Variants in SLC18A1 observed in about 807,000 individuals in gnomAD.
The protein encoded by SLC18A1 is chromaffin granule amine transporter.
A neutral mutation model predicts 53.7 loss-of-function variants in SLC18A1; 69 were observed. That is an observed-to-expected ratio of 1.28 (90% CI 1.06 to 1.57). The LOEUF is 1.57. SLC18A1 is among the 40% of genes most tolerant of loss of function. The pLI is 0.00. For missense variants in SLC18A1, 932 were observed against 668.1 expected, an observed-to-expected ratio of 1.40 and a Z score of -4.35; for synonymous variants, 320 against 248.1, an observed-to-expected ratio of 1.29 and a Z score of -2.72.
chr8:20,171,105 C>A lies in SLC18A1; in HGVS notation c.856G>T (p.Glu286Ter), dbSNP rs752132387. 6.2e-7 allele frequency: 1 copy of A among 1,614,130 alleles called. No individual in the cohort carries two copies. The highest frequency in any genetic ancestry group is 1.1e-5 in the South Asian group (1 of 91,078). ...AATGGAGCTTTGTGTCTGCTTACCT[C>A]AGGAGAGACTTTGGAAGGCTGTAGG... Reference protein sequence around the residue: ...CILQPSKVSPESAKGTPLFML... With the variant: ...CILQPSKVSP Residue 286 changes from glutamate (E) to a stop codon, truncating the protein, a stop_gained and splice_region_variant, in exon 8 of 16, where the codon GAG (glutamate) becomes TAG (stop). Coordinates refer to ENST00000276373, the MANE Select transcript of SLC18A1 (RefSeq NM_003053.4). LOFTEE classifies it high-confidence loss of function.
Position 20,163,440 on chromosome 8 carries a change from A to T in SLC18A1, c.1015+1429T>A, listed in dbSNP as rs2071879668. ...ACAATCAGTAAGTGACGTGGTCAGC[A>T]TTCAAACCCAGGTGGACCTGGGCTA... On this transcript the variant is annotated intron_variant, in intron 10 of 15. Coordinates refer to ENST00000276373, the MANE Select transcript of SLC18A1 (RefSeq NM_003053.4). Among the ~76,000 whole-genome samples, 5 of 152,306 alleles carry T rather than the reference A, an allele frequency of 3.3e-5. 1 individual carries two copies. The South Asian group carries it at 1.0e-3, about 32-fold the overall frequency.
chr8:20,147,527 G>T (rs1427755568), intron 14 of SLC18A1, 76 bp downstream of exon 14: 2 of 1,600,280 alleles, frequency 1.2e-6, no homozygotes, highest in Admixed American at 3.4e-5. Flanking sequence ...ACCCTAGGAG[G>T]ATAGCTTCCT....
At chr8:20,169,903 C>T (rs971913955) in intron 8 of SLC18A1, among the ~76,000 whole-genome samples, 1 of 152,106 alleles carries the variant, frequency 6.6e-6, no homozygotes, top group Non-Finnish European at 1.5e-5. Context: ...TTATGGGTGC[C>T]TCACTTTCCT....
At chr8:20,156,564 G>C (rs967871290) in intron 10 of SLC18A1, among the ~76,000 whole-genome samples, 34 of 152,266 alleles carry the variant, frequency 2.2e-4, no homozygotes, top group African/African-American at 7.5e-4. Context: ...CTAATAATTG[G>C]TCTGCTCAAA....
At chr8:20,177,917 T>C (rs1563771049) in intron 4 of SLC18A1, among the ~76,000 whole-genome samples, 1 of 152,374 alleles carries the variant, frequency 6.6e-6, no homozygotes, top group South Asian at 2.1e-4. Flanking sequence ...CTTTCTTGTT[T>C]CTTTAGCAAA....
At chr8:20,181,402 A>G (rs971008253) in intron 1 of SLC18A1, among the ~76,000 whole-genome samples, 1 of 152,090 alleles carries the variant, frequency 6.6e-6, no homozygotes, top group East Asian at 1.9e-4. Context: ...TCTAAGGACT[A>G]CCTGTACTAT....
rs760530775 is a variant in SLC18A1 at position 20,148,461 on chromosome 8, C to G, written c.1147-391G>C. 6 of 1,291,014 alleles carry G rather than the reference C, an allele frequency of 4.6e-6. No individual in the cohort carries two copies. The South Asian group carries it at 7.4e-5, about 16-fold the overall frequency. The allele number at this position is 1,291,014 out of a possible 1,614,324, so 80.0% of individuals were successfully genotyped here. A position where few individuals can be genotyped will look rare whatever the true frequency, so the allele number is the denominator to read the frequency against. ...CATTCTTCATGGAATAAAGTTGCCT[C>G]TGTTTTCCATTATGGACATCACTGA... On this transcript the variant is annotated intron_variant, in intron 12 of 15. Transcript: ENST00000276373.
Position 20,147,701 on chromosome 8 carries a change from A to G in SLC18A1, c.1232T>C (p.Met411Thr), listed in dbSNP as rs774424240. 6.2e-7 allele frequency: 1 copy of G among 1,613,698 alleles called. No individual in the cohort carries two copies. Among genetic ancestry groups the G allele is most frequent in the Non-Finnish European group, 8.5e-7 (1 of 1,179,900 alleles). The change falls in exon 14 of 16, where the codon ATG becomes ACG. Residue 411 changes from methionine (M) to threonine (T), a missense_variant. Physicochemically the swap from Met to Thr is moderately conservative, Grantham distance 81. Transcript: ENST00000276373. ...LAIGMVDSSM[M>T]PIMGHLVDLR... ...ATCCACCAGGTGCCCCATGATGGGCATCATAGAAGAATCCACCATGCCTGT... is the reference window on the plus strand; with the variant it reads ...ATCCACCAGGTGCCCCATGATGGGCGTCATAGAAGAATCCACCATGCCTGT...
intron 12 of SLC18A1, 42 bp downstream of exon 12, chr8:20,149,634 C>T (rs751887287): frequency 6.7e-7 from 1 of 1,497,140 alleles, no homozygotes; most frequent in Non-Finnish European, 9.3e-7. Flanking sequence ...CTGTCTCTCG[C>T]TCTCTCTCTC....
chr8:20,175,962 T>A (rs1252581464), intron 4 of SLC18A1: 1 of 152,202 alleles, frequency 6.6e-6, no homozygotes, highest in Non-Finnish European at 1.5e-5. Flanking sequence ...GACCCACTCA[T>A]CTTGGTCTGC....
At chr8:20,156,003 T>C (rs973403698) in intron 10 of SLC18A1, among the ~76,000 whole-genome samples, 4 of 152,228 alleles carry the variant, frequency 2.6e-5, no homozygotes, top group Admixed American at 1.3e-4. Context: ...TTACCCACCC[T>C]GTGCAATACA....
rs763800310 is a variant in SLC18A1, at chr8:20,173,157, C to T, written c.632-29G>A. On this transcript the variant is annotated intron_variant, in intron 5 of 15. Transcript: ENST00000276373. ...CGCAGAGAGTTACAGATGCAGCTGG[C>T]CCCCTGGGGGGCTTCTATCCGCCTC... The T allele has an allele frequency of 6.1e-5, 94 of 1,529,816 alleles. No individual in the cohort carries two copies. The South Asian group carries it at 9.6e-4, about 16-fold the overall frequency. 94.8% of individuals were successfully genotyped at this position (1,529,816 alleles called of 1,614,324 possible).
rs1402206670 is a variant in SLC18A1 at position 20,178,513 on chromosome 8, A to C, written c.489-20T>G. 1 of 1,579,512 alleles carries C rather than the reference A, an allele frequency of 6.3e-7. No individual in the cohort carries two copies. The highest frequency in any genetic ancestry group is 2.2e-5 in the East Asian group (1 of 44,704). The stretch of plus-strand genomic sequence containing the variant: ...CCAATCCTAAAAGGGAATTGAAAAA[A>C]AAAAAGATACAATTCCAACAGGCAC... On this transcript the variant is annotated intron_variant, in intron 3 of 15. Transcript: ENST00000276373.
intron 8 of SLC18A1, among the ~76,000 whole-genome samples, chr8:20,166,488 C>T (rs957923433): frequency 6.6e-6 from 1 of 150,634 alleles, no homozygotes; most frequent in Non-Finnish European, 1.5e-5. Flanking sequence ...AACACATAAG[C>T]GATTTATTTT....
chr8:20,168,813 G>A (rs999746163), intron 8 of SLC18A1, among the ~76,000 whole-genome samples: 7 of 152,078 alleles, frequency 4.6e-5, no homozygotes, highest in Non-Finnish European at 5.9e-5. Context: ...CAAGTGATCC[G>A]CCTGCCTTGG....
Position 20,179,412 on chromosome 8 carries a change from G to A in SLC18A1, c.197C>T (p.Ala66Val), listed in dbSNP as rs1268685735. Residue 66 changes from alanine (A) to valine (V), a missense_variant, in exon 3 of 16, where the codon GCC (alanine) becomes GTC (valine). By Grantham distance (64) the Ala-to-Val change is moderately conservative (BLOSUM62 0). Coordinates refer to ENST00000276373, the MANE Select transcript of SLC18A1 (RefSeq NM_003053.4). ...EVNSSLHLGH[A>V]GSSPHALASP... ...GGCGAGGGCATGTGGGGAACTTCCG[G>A]CATGGCCGAGGTGCAGAGAAGAGTT... 1.2e-6 allele frequency: 2 copies of A among 1,614,114 alleles called. No homozygotes were observed. Among genetic ancestry groups the A allele is most frequent in the African/African-American group, 1.3e-5 (1 of 75,050 alleles).
chr8:20,158,826 G>T (rs1479320711), intron 10 of SLC18A1, among the ~76,000 whole-genome samples: 2 of 152,036 alleles, frequency 1.3e-5, no homozygotes, highest in Non-Finnish European at 2.9e-5. Context: ...GGACCTTAAG[G>T]ATGCCTTTTT....
chr8:20,173,256 C>G (rs1230216377), intron 5 of SLC18A1, 128 bp from the exon 6 acceptor site: 1 of 685,014 alleles, frequency 1.5e-6, no homozygotes, highest in African/African-American at 1.8e-5. Context: ...AGGGGTTTTA[C>G]AAAACTTAAC....
chr8:20,169,309 A>T, intron 8 of SLC18A1, among the ~76,000 whole-genome samples: 1 of 152,174 alleles, frequency 6.6e-6, no homozygotes, highest in South Asian at 2.1e-4. Flanking sequence ...TTACACAGTC[A>T]TGGACTGGGC....
Sources: allele counts gnomAD v4.1 joint callset (sites outside exome capture counted in the v4.1 genomes callset), GRCh38; gene constraint gnomAD v4.1.1; transcripts MANE v1.5; gene names NCBI Gene and HGNC (gene_info 2026-07-23, HGNC 2026-07-21).